Variants in DERA observed in about 807,000 individuals in gnomAD.
DERA encodes the protein deoxyribose-phosphate aldolase.
A neutral mutation model predicts 41.1 loss-of-function variants in DERA; 15 were observed. The ratio of observed to expected loss-of-function variants is 0.37; its 90% CI spans 0.24 to 0.56. The LOEUF (loss-of-function observed/expected upper bound fraction) is 0.56, where lower values mean the gene tolerates loss of function less well. DERA is among the 20% of genes least tolerant of loss of function. The pLI is 0.81. For missense variants in DERA, 396 were observed against 403.4 expected (o/e 0.98, Z 0.16); for synonymous variants, 139 against 137.4 (o/e 1.01, Z -0.08).
chr12:15,945,265 A>G (rs948267968), intron 1 of DERA, among the ~76,000 whole-genome samples: 13 of 152,362 alleles, frequency 8.5e-5, no homozygotes, highest in African/African-American at 3.1e-4. Context: ...AATTCTGTGA[A>G]GAAAGTCATT....
Position 15,918,438 on chromosome 12 carries a change from T to C in DERA, c.31+7024T>C, listed in dbSNP as rs1265223608. Among the ~76,000 whole-genome samples, 1 of 152,208 alleles carries C rather than the reference T, an allele frequency of 6.6e-6. No homozygotes were observed. Among genetic ancestry groups the C allele is most frequent in the Admixed American group, 6.5e-5 (1 of 15,292 alleles). ...CTGTTTGGCCCACTCTGGGCCATAG[T>C]GGTGCCCCCATTTCAACCCGGCTTG... On this transcript the variant is annotated intron_variant, in intron 1 of 8. Coordinates refer to ENST00000428559, the MANE Select transcript of DERA (RefSeq NM_015954.4). This position sits in a 1 kb window ranked among gnomAD's most constrained non-coding sequence, Gnocchi z 4.3.
chr12:15,945,852 A>G (rs1187222495), intron 1 of DERA, among the ~76,000 whole-genome samples: 2 of 152,160 alleles, frequency 1.3e-5, no homozygotes, highest in Non-Finnish European at 2.9e-5. Flanking sequence ...ATTCAGTATG[A>G]TATTGGCTGT....
At position 16,001,981 on chromosome 12, in the gene DERA, C is replaced by CT. The variant is rs896871799; in HGVS notation, c.637+19554dup. 1.9e-4 allele frequency among the ~76,000 whole-genome samples: 29 copies of CT among 151,654 alleles called. No individual in the cohort carries two copies. The highest frequency in any genetic ancestry group is 9.7e-4 in the East Asian group (5 of 5,168). On this transcript the variant is annotated intron_variant, in intron 6 of 8. Coordinates refer to ENST00000428559, the MANE Select transcript of DERA (RefSeq NM_015954.4). This position sits in a 1 kb window ranked among gnomAD's most constrained non-coding sequence, Gnocchi z 4.1. ...GGCACTTTGTAACAGCAAGGTTATT[C>CT]TTTTTTTTTATTATTATTATGCTTT...
At chr12:16,023,683 T>C (rs934667056) in intron 6 of DERA, among the ~76,000 whole-genome samples, 10 of 151,880 alleles carry the variant, frequency 6.6e-5, no homozygotes, top group African/African-American at 2.4e-4. Context: ...TTCACCGTTT[T>C]AGCCGGGATG....
At chr12:15,946,272 T>G (rs1948447668) in intron 1 of DERA, among the ~76,000 whole-genome samples, 1 of 152,236 alleles carries the variant, frequency 6.6e-6, no homozygotes, top group African/African-American at 2.4e-5. Context: ...TCCCTCTTTT[T>G]CTATTGATTG....
chr12:15,961,860 C>T (rs751084119), intron 4 of DERA, among the ~76,000 whole-genome samples: 20 of 152,238 alleles, frequency 1.3e-4, no homozygotes, highest in Non-Finnish European at 2.1e-4. Context: ...TCTCCTGCCT[C>T]AGCCTCCCAA....
chr12:15,949,231 G>T (rs2136141572), intron 1 of DERA, among the ~76,000 whole-genome samples: 1 of 152,292 alleles, frequency 6.6e-6, no homozygotes, highest in East Asian at 1.9e-4. Flanking sequence ...AAAGCTGTCA[G>T]ATAGGGACGT....
intron 6 of DERA, among the ~76,000 whole-genome samples, chr12:16,028,248 A>G (rs1050194173): frequency 2.6e-4 from 39 of 152,220 alleles, no homozygotes; most frequent in African/African-American, 8.0e-4. Context: ...TAAGTGCTTA[A>G]AAAACAGAAA....
In DERA at chr12:15,936,063, G is replaced by A. The variant is rs575460365; in HGVS notation, c.32-20873G>A. 1.4e-4 allele frequency among the ~76,000 whole-genome samples: 21 copies of A among 152,262 alleles called. No individual in the cohort carries two copies. The South Asian group carries it at 4.4e-3, about 32-fold the overall frequency. On this transcript the variant is annotated intron_variant, in intron 1 of 8. Coordinates refer to ENST00000428559, the MANE Select transcript of DERA (RefSeq NM_015954.4). This position sits in a 1 kb window ranked among gnomAD's most constrained non-coding sequence, Gnocchi z 4.6. ...CTTATGACATGGCAGCTGGCTTCTC[G>A]AGTGATCCAAGTAGGAAGGCAAAAG...
At position 15,953,827 on chromosome 12, in the gene DERA, G is replaced by T. The variant is rs545289454; in HGVS notation, c.32-3109G>T. ...CAGACCCCATAATAGGAGAACATGG[G>T]TTATTTGATGAAATTAAAGAGTAGC... is the stretch of plus-strand genomic sequence containing the variant. On this transcript the variant is annotated intron_variant, in intron 1 of 8. Coordinates refer to ENST00000428559, the MANE Select transcript of DERA (RefSeq NM_015954.4). Among the ~76,000 whole-genome samples, 4 of 152,240 alleles carry T rather than the reference G, an allele frequency of 2.6e-5. No individual in the cohort carries two copies. The South Asian group carries it at 8.3e-4, about 32-fold the overall frequency.
chr12:15,929,921 G>T (rs1400056825), intron 1 of DERA, among the ~76,000 whole-genome samples: 3 of 152,124 alleles, frequency 2.0e-5, no homozygotes, highest in African/African-American at 7.2e-5. Context: ...TTAATTACCT[G>T]TAGCTTTTTT....
Position 15,954,179 on chromosome 12 carries a change from A to G in DERA, c.32-2757A>G, listed in dbSNP as rs1189202827. ...ATACCTCAGTCCCATATTTTCTTGTAGAGATCCAAAAGCCCTTTCTAGTCT... is the reference window on the plus strand; with the variant it reads ...ATACCTCAGTCCCATATTTTCTTGTGGAGATCCAAAAGCCCTTTCTAGTCT... On this transcript the variant is annotated intron_variant, in intron 1 of 8. Coordinates refer to ENST00000428559, the MANE Select transcript of DERA (RefSeq NM_015954.4). This position sits in a 1 kb window ranked among gnomAD's most constrained non-coding sequence, Gnocchi z 4.0. Among the ~76,000 whole-genome samples the G allele has an allele frequency of 6.6e-6, 1 of 152,226 alleles. No individual in the cohort carries two copies. Among genetic ancestry groups the G allele is most frequent in the East Asian group, 1.9e-4 (1 of 5,200 alleles).
rs1948390634 is a variant in DERA at position 15,938,937 on chromosome 12, C to T, written c.32-17999C>T. On this transcript the variant is annotated intron_variant, in intron 1 of 8. Coordinates refer to ENST00000428559, the MANE Select transcript of DERA (RefSeq NM_015954.4). The surrounding 1 kb of genome is among the most constrained non-coding windows in gnomAD (Gnocchi z 4.1). ...AATAGGAGCTTGTGGTAGCTAGTCT[C>T]CAGAGATGGACCACGTCTCTGGTAT... Among the ~76,000 whole-genome samples, 1 of 152,186 alleles carries T rather than the reference C, an allele frequency of 6.6e-6. No homozygotes were observed. The highest frequency in any genetic ancestry group is 1.5e-5 in the Non-Finnish European group (1 of 68,028).
rs1419022295 is a variant in DERA at position 15,985,858 on chromosome 12, A to G, written c.637+3422A>G. Among the ~76,000 whole-genome samples the G allele has an allele frequency of 2.0e-5, 3 of 152,180 alleles. No individual in the cohort carries two copies. The highest frequency in any genetic ancestry group is 4.4e-5 in the Non-Finnish European group (3 of 68,016). ...AATGTGTATTTCAGATGTTAGAGCA[A>G]ATGTCAGATCGAATTGGTTGATAAT... is the stretch of plus-strand genomic sequence containing the variant. On this transcript the variant is annotated intron_variant, in intron 6 of 8. Coordinates refer to ENST00000428559, the MANE Select transcript of DERA (RefSeq NM_015954.4). The surrounding 1 kb of genome is among the most constrained non-coding windows in gnomAD (Gnocchi z 4.2).
intron 1 of DERA, among the ~76,000 whole-genome samples, chr12:15,956,177 A>G (rs1948536920): frequency 6.6e-6 from 1 of 152,208 alleles, no homozygotes; most frequent in South Asian, 2.1e-4. Context: ...AGATCTATCC[A>G]AATGTTAGCT....
At chr12:15,925,033 G>A (rs931262327) in intron 1 of DERA, among the ~76,000 whole-genome samples, 5 of 152,180 alleles carry the variant, frequency 3.3e-5, no homozygotes, top group African/African-American at 2.4e-5. Flanking sequence ...CCTTGTCTGG[G>A]AAGTTAGAAT....
In DERA at chr12:15,976,701, A is replaced by G. The variant is rs1308814812; in HGVS notation, c.509-5607A>G. 6.6e-6 allele frequency among the ~76,000 whole-genome samples: 1 copy of G among 152,246 alleles called. No individual in the cohort carries two copies. Among genetic ancestry groups the G allele is most frequent in the African/African-American group, 2.4e-5 (1 of 41,466 alleles). ...ATTATCAAAGGTGGATCTGAAGGAA[A>G]AATGATTGATTACCTTCCTAACCGT... On this transcript the variant is annotated intron_variant, in intron 5 of 8. Transcript: ENST00000428559. This position sits in a 1 kb window ranked among gnomAD's most constrained non-coding sequence, Gnocchi z 4.1.
At position 16,013,364 on chromosome 12, in the gene DERA, T is replaced by C. The variant is rs1948959213; in HGVS notation, c.638-19178T>C. Reference sequence around the variant, plus strand: ...AGACCAGGTGGAGGTAATTGAATCATGAGGGCAGTTTCCCCCATGTTGTTC... The same window carrying C: ...AGACCAGGTGGAGGTAATTGAATCACGAGGGCAGTTTCCCCCATGTTGTTC... On this transcript the variant is annotated intron_variant, in intron 6 of 8. Transcript: ENST00000428559. The surrounding 1 kb of genome is among the most constrained non-coding windows in gnomAD (Gnocchi z 5.8). 6.6e-6 allele frequency among the ~76,000 whole-genome samples: 1 copy of C among 152,190 alleles called. No homozygotes were observed. Among genetic ancestry groups the C allele is most frequent in the Admixed American group, 6.5e-5 (1 of 15,282 alleles).
At chr12:15,926,032 A>C (rs994540616) in intron 1 of DERA, among the ~76,000 whole-genome samples, 6 of 151,544 alleles carry the variant, frequency 4.0e-5, no homozygotes, top group African/African-American at 1.2e-4. Context: ...TATGTTGGCC[A>C]GGCTGGTCTC....
Sources: gnomAD v4.1 joint callset for allele counts (sites outside exome capture counted in the v4.1 genomes callset) on GRCh38, gnomAD v4.1.1 for gene constraint, Gnocchi (gnomAD v3.1) non-coding constraint, MANE v1.5 for transcripts, NCBI Gene and HGNC (gene_info 2026-07-23, HGNC 2026-07-21) for gene names.